ARHGAP4: variants seen among roughly 807,000 people sequenced by gnomAD.
The protein encoded by ARHGAP4 is rho GTPase-activating protein 4.
ARHGAP4 carries 25 observed loss-of-function variants against 67.6 expected under a neutral mutation model. The observed-to-expected ratio is 0.37, with a 90% CI of 0.27 to 0.52. The LOEUF (loss-of-function observed/expected upper bound fraction) is 0.52. ARHGAP4 is among the 20% of genes least tolerant of loss of function. The pLI is 0.92. For synonymous variants in ARHGAP4, 448 were observed against 373.7 expected, an observed-to-expected ratio of 1.20 and a Z score of -2.29; for missense variants, 804 against 854.6, an observed-to-expected ratio of 0.94 and a Z score of 0.74.
At position 153,910,553 on chromosome X, in the gene ARHGAP4, G is replaced by T. The variant is rs782186607; in HGVS notation, c.1875C>A (p.Pro625=). Residue 625 remains proline (P), a synonymous_variant, in exon 16 of 22, where the codon CCC becomes CCA. Transcript: ENST00000350060. ...EHVSRLLWRL[P]APVLVVLRYL... is the part of the protein sequence containing the mutation. Reference sequence around the variant, plus strand: ...AGCGCAGAACCACCAGCACCGGCGCGGGCAGCCGCCACAGCAGGCGGCTCA... The same window carrying T: ...AGCGCAGAACCACCAGCACCGGCGCTGGCAGCCGCCACAGCAGGCGGCTCA... The T allele has an allele frequency of 8.3e-7, 1 of 1,205,043 alleles. No individual in the cohort carries two copies. The highest frequency in any genetic ancestry group is 1.1e-6 in the Non-Finnish European group (1 of 893,988).
intron 5 of ARHGAP4, 129 bp from the exon 6 acceptor site, chrX:153,919,412 G>A: frequency 8.7e-7 from 1 of 1,154,184 alleles, no homozygotes; most frequent in South Asian, 1.9e-5. Context: ...AAGCCCAGAA[G>A]TCCTGCTGCC....
At chrX:153,926,023 G>C in intron 1 of ARHGAP4, 113 bp downstream of exon 1, 2 of 1,039,596 alleles carry the variant, frequency 1.9e-6, no homozygotes, top group Non-Finnish European at 2.6e-6. Flanking sequence ...CCCCGCTCCA[G>C]AGGTCGCTGG....
chrX:153,910,928 C>T lies in ARHGAP4; in HGVS notation c.1675G>A (p.Glu559Lys), dbSNP rs1557103127. ...CCGCCCTGCCCGTCCCCACCTCTCTCGAAGGCATCACGGATCTCTGAGACC... is the reference window on the plus strand; with the variant it reads ...CCGCCCTGCCCGTCCCCACCTCTCTTGAAGGCATCACGGATCTCTGAGACC... ...LRVSEIRDAFERGEDPLVEGC... is the reference protein window; with the variant it reads ...LRVSEIRDAFKRGEDPLVEGC... Residue 559 changes from glutamate to lysine, a missense_variant, in exon 14 of 22, where the codon GAG becomes AAG. By Grantham distance (56) the Glu-to-Lys change is moderately conservative. Coordinates refer to ENST00000350060, the MANE Select transcript of ARHGAP4 (RefSeq NM_001666.5). The T allele has an allele frequency of 2.7e-6, 3 of 1,124,683 alleles. No individual in the cohort carries two copies. Among genetic ancestry groups the T allele is most frequent in the East Asian group, 3.6e-5 (1 of 28,049 alleles). 92.7% of individuals were successfully genotyped at this position (1,124,683 alleles called of 1,213,427 possible).
intron 1 of ARHGAP4, among the ~76,000 whole-genome samples, chrX:153,924,330 G>A (rs986492024): frequency 6.3e-5 from 7 of 111,587 alleles, no homozygotes; most frequent in African/African-American, 2.0e-4. Flanking sequence ...CATGCACACC[G>A]GCTGGTGTTG....
chrX:153,921,808 C>A lies in ARHGAP4; in HGVS notation c.69G>T (p.Glu23Asp). 8.4e-7 allele frequency: 1 copy of A among 1,184,559 alleles called. No homozygotes were observed. The highest frequency in any genetic ancestry group is 1.1e-6 in the Non-Finnish European group (1 of 883,882). Residue 23 changes from glutamate (E) to aspartate (D), a missense_variant and splice_region_variant, in exon 2 of 22, where the codon GAG becomes GAT. Physicochemically the swap from Glu to Asp is conservative, Grantham distance 45. Around this residue, in one of 2 missense-constraint regions of ARHGAP4, gnomAD observed 404 missense variants for 505.9 expected, o/e 0.80. Transcript: ENST00000350060. ...LQAEYETQVK[E>D]MRWQLSEQLR... ...GCTGCTCGCTCAGCTGCCAGCGCAT[C>A]TCTGTGGGGGGAACCATGGCTCAGG...
At chrX:153,924,258 C>T (rs1429903764) in intron 1 of ARHGAP4, among the ~76,000 whole-genome samples, 1 of 111,816 alleles carries the variant, frequency 8.9e-6, no homozygotes, top group Non-Finnish European at 1.9e-5. Flanking sequence ...GAACCGCTGC[C>T]TTTCTTCATC....
intron 19 of ARHGAP4, 93 bp from the exon 20 acceptor site, chrX:153,909,628 G>C (rs1451921287): frequency 4.6e-6 from 5 of 1,088,991 alleles, no homozygotes; most frequent in Middle Eastern, 3.1e-4. Flanking sequence ...TGGTCAGAGA[G>C]GCTCTGTTCT....
At chrX:153,921,245 G>A (rs1210359576) in intron 3 of ARHGAP4, 86 bp from the exon 4 acceptor site, 10 of 1,172,530 alleles carry the variant, frequency 8.5e-6, no homozygotes, top group African/African-American at 1.8e-5. Context: ...AAGCCCCATC[G>A]GGGGGGCACA....
intron 11 of ARHGAP4, 82 bp downstream of exon 11, chrX:153,912,942 G>A (rs782164967): frequency 8.8e-7 from 1 of 1,137,915 alleles, no homozygotes; most frequent in East Asian, 3.1e-5. Flanking sequence ...TGAGGCCCAG[G>A]GGATTGGGCA....
At chrX:153,912,609 A>T in intron 12 of ARHGAP4, 91 bp downstream of exon 12, 13 of 782,527 alleles carry the variant, frequency 1.7e-5, no homozygotes, top group Non-Finnish European at 2.5e-5. Context: ...GGACCCTGGG[A>T]TCAGGCAGCT....
In ARHGAP4 at chrX:153,921,689, T is replaced by A; in HGVS notation, c.188A>T (p.Tyr63Phe). 1 of 1,207,662 alleles carries A rather than the reference T, an allele frequency of 8.3e-7. No homozygotes were observed. Among genetic ancestry groups the A allele is most frequent in the East Asian group, 3.0e-5 (1 of 33,688 alleles). Residue 63 changes from tyrosine (Y) to phenylalanine (F), a missense_variant, in exon 2 of 22, where the codon TAC becomes TTC. Physicochemically the swap from Tyr to Phe is conservative, Grantham distance 22. Transcript: ENST00000350060. ...MRRRAEVELE[Y>F]SRGLEKLAER... ...GGCCAGCTTTTCCAGGCCCCGGGAG[T>A]ATTCCAGCTCCACCTCAGCGCGGCG...
rs1557101668 is a variant in ARHGAP4 at position 153,907,971 on chromosome X, G to A, written c.2608-9C>T. 1.1e-5 allele frequency: 13 copies of A among 1,137,648 alleles called. No individual in the cohort carries two copies. Among genetic ancestry groups the A allele is most frequent in the Non-Finnish European group, 1.3e-5 (11 of 859,272 alleles). 93.8% of individuals were successfully genotyped at this position (1,137,648 alleles called of 1,213,427 possible). On this transcript the variant is annotated splice_polypyrimidine_tract_variant and intron_variant, in intron 21 of 21. Transcript: ENST00000350060. ...ATGTTCTGTGCCACAGCCTAGCGGAGGGGAAAGAAAGGGAGAGTGACCAGT... is the reference window on the plus strand; with the variant it reads ...ATGTTCTGTGCCACAGCCTAGCGGAAGGGAAAGAAAGGGAGAGTGACCAGT...
At chrX:153,908,499 T>C (rs781864255) in intron 21 of ARHGAP4, among the ~76,000 whole-genome samples, 2 of 112,198 alleles carry the variant, frequency 1.8e-5, no homozygotes, top group East Asian at 5.7e-4. Context: ...ACAGGGCCCA[T>C]GGTACAGAGC....
At chrX:153,919,504 C>T in intron 5 of ARHGAP4, 1 of 1,132,843 alleles carries the variant, frequency 8.8e-7, no homozygotes, top group African/African-American at 1.8e-5. Context: ...CGCCACTTGC[C>T]TTGGTTCGAG....
At position 153,920,813 on chromosome X, in the gene ARHGAP4, AGG is replaced by A; in HGVS notation, c.499-7_499-6del. 1 of 1,211,808 alleles carries A rather than the reference AGG, an allele frequency of 8.3e-7. No individual in the cohort carries two copies. Among genetic ancestry groups the A allele is most frequent in the Non-Finnish European group, 1.1e-6 (1 of 895,414 alleles). ...TGCCTGGTACGTCTTCTTGGCCTGC[AGG>A]GAGACCCAAAGCAAGGTGGTGCTGG... On this transcript the variant is annotated splice_polypyrimidine_tract_variant and splice_region_variant and intron_variant, in intron 4 of 21. Transcript: ENST00000350060.
intron 4 of ARHGAP4, 62 bp from the exon 5 acceptor site, chrX:153,920,870 C>CCT: frequency 8.5e-7 from 1 of 1,172,220 alleles, no homozygotes; most frequent in Non-Finnish European, 1.2e-6. Flanking sequence ...AGCCCCCAGC[C>CCT]CTCTACCCCT....
At chrX:153,922,198 C>T (rs1322637404) in intron 1 of ARHGAP4, 9 of 844,375 alleles carry the variant, frequency 1.1e-5, no homozygotes, top group Non-Finnish European at 1.3e-5. Context: ...CTTCCTTTCC[C>T]GCCGGTACCC....
chrX:153,916,805 T>TG (rs2065058439), intron 7 of ARHGAP4, among the ~76,000 whole-genome samples: 1 of 112,941 alleles, frequency 8.9e-6, no homozygotes, highest in South Asian at 3.6e-4. Context: ...AGGCCGGGCA[T>TG]GGTGGCTCAC....
chrX:153,913,540 C>G lies in ARHGAP4; in HGVS notation c.1195G>C (p.Gly399Arg), dbSNP rs2065035868. 8.3e-7 allele frequency: 1 copy of G among 1,210,497 alleles called. No homozygotes were observed. The highest frequency in any genetic ancestry group is 1.7e-5 in the African/African-American group (1 of 57,445). The change falls in exon 9 of 22, where the codon GGG becomes CGG. Residue 399 changes from glycine (G) to arginine (R), a missense_variant. Coordinates refer to ENST00000350060, the MANE Select transcript of ARHGAP4 (RefSeq NM_001666.5). ...ALLEVVASDD[G>R]DVLDSFQTSP... ...GTCTGGAAGGAATCAAGCACATCCC[C>G]GTCATCCGAGGCCACCACCTCCAGC...
Sources: gnomAD v4.1 joint callset for allele counts (sites outside exome capture counted in the v4.1 genomes callset) on GRCh38, gnomAD v4.1.1 for gene constraint, gnomAD v4.1.1 regional missense constraint, MANE v1.5 for transcripts, NCBI Gene and HGNC (gene_info 2026-07-23, HGNC 2026-07-21) for gene names.